Variants in CCT6B observed in about 807,000 individuals in gnomAD.
The protein encoded by CCT6B is chaperonin containing TCP1 subunit 6B.
Under a neutral mutation model 61.5 loss-of-function variants are expected in CCT6B, and 49 were observed. The observed-to-expected ratio is 0.80, with a 90% CI of 0.63 to 1.01. The LOEUF (loss-of-function observed/expected upper bound fraction) is 1.01, where lower values mean the gene tolerates loss of function less well. CCT6B is among the 50% of genes least tolerant of loss of function. The pLI is 0.00. For synonymous variants in CCT6B, 228 were observed against 214.5 expected, an observed-to-expected ratio of 1.06 and a Z score of -0.55; for missense variants, 666 against 634.7, an observed-to-expected ratio of 1.05 and a Z score of -0.53.
chr17:34,928,048 T>C lies in CCT6B; in HGVS notation c.1593A>G (p.Ter531TrpextTer1). 1 of 1,606,748 alleles carries C rather than the reference T, an allele frequency of 6.2e-7. No homozygotes were observed. The highest frequency in any genetic ancestry group is 8.5e-7 in the Non-Finnish European group (1 of 1,175,180). The change falls in exon 14 of 14, where the codon TGA (stop) becomes TGG (tryptophan). Residue 531 changes from the stop codon to tryptophan, a stop_lost. Transcript: ENST00000314144. The part of the protein sequence containing the change: ...IMRAGMSSLK[*>W] ...GAAGGGTTGATTTTGAATTCAATCATCATTTGAGAGAAGACATCCCAGCTC... is the reference window on the plus strand; with the variant it reads ...GAAGGGTTGATTTTGAATTCAATCACCATTTGAGAGAAGACATCCCAGCTC...
chr17:34,928,833 A>C, intron 13 of CCT6B, 129 bp downstream of exon 13: 1 of 541,864 alleles, frequency 1.8e-6, no homozygotes, highest in Non-Finnish European at 3.3e-6. Flanking sequence ...CTAATAACTG[A>C]ATACCACACC....
chr17:34,949,409 G>A (rs980766628), intron 5 of CCT6B: 1 of 148,330 alleles, frequency 6.7e-6, no homozygotes, highest in East Asian at 2.0e-4. Context: ...GCGGTGAGTC[G>A]AGATCACACC....
chr17:34,951,895 G>T, intron 5 of CCT6B, 55 bp downstream of exon 5: 1 of 780,122 alleles, frequency 1.3e-6, no homozygotes, highest in Non-Finnish European at 2.1e-6. Flanking sequence ...TTTAATAAAA[G>T]AATATCTTTA....
In CCT6B at chr17:34,939,213, G is replaced by A. The variant is rs779171045; in HGVS notation, c.1183C>T (p.Leu395Phe). ...TCAATGGCATTTTTGATAGCACGAAGTCCATCTCTTATGGCATCCTTGACT... is the reference window on the plus strand; with the variant it reads ...TCAATGGCATTTTTGATAGCACGAAATCCATCTCTTATGGCATCCTTGACT... ...TQVKDAIRDG[L>F]RAIKNAIEDG... is the part of the protein sequence containing the mutation. Residue 395 changes from leucine to phenylalanine, a missense_variant, in exon 10 of 14, where the codon CTT becomes TTT. Coordinates refer to ENST00000314144, the MANE Select transcript of CCT6B (RefSeq NM_006584.4). 1.9e-6 allele frequency: 3 copies of A among 1,613,794 alleles called. No individual in the cohort carries two copies. Among genetic ancestry groups the A allele is most frequent in the Non-Finnish European group, 2.5e-6 (3 of 1,179,884 alleles).
At chr17:34,928,493 G>A (rs543604537) in intron 13 of CCT6B, among the ~76,000 whole-genome samples, 3 of 152,160 alleles carry the variant, frequency 2.0e-5, no homozygotes, top group Non-Finnish European at 2.9e-5. Flanking sequence ...GGCTGGTCTC[G>A]AACTCCTGAC....
intron 5 of CCT6B, among the ~76,000 whole-genome samples, chr17:34,950,326 C>T (rs1426855127): frequency 1.3e-5 from 2 of 151,858 alleles, no homozygotes; most frequent in African/African-American, 2.4e-5. Flanking sequence ...AAAGTCCCCA[C>T]AAAATTCCAA....
chr17:34,954,598 C>A lies in CCT6B; in HGVS notation c.338G>T (p.Gly113Val). The part of the protein sequence containing the change: ...LKQADLYISE[G>V]LHPRIIAEGF... Reference sequence around the variant, plus strand: ...TTCAGCTATTATTCTAGGGTGCAGGCCCTGTTACATCAACATAAAATTATA... The same window carrying A: ...TTCAGCTATTATTCTAGGGTGCAGGACCTGTTACATCAACATAAAATTATA... The change falls in exon 4 of 14, where the codon GGC becomes GTC. Residue 113 changes from glycine (G) to valine (V), a missense_variant and splice_region_variant. Coordinates refer to ENST00000314144, the MANE Select transcript of CCT6B (RefSeq NM_006584.4). The A allele has an allele frequency of 6.3e-7, 1 of 1,595,934 alleles. No homozygotes were observed. The highest frequency in any genetic ancestry group is 8.5e-7 in the Non-Finnish European group (1 of 1,174,470).
intron 7 of CCT6B, 72 bp downstream of exon 7, chr17:34,942,412 G>T (rs547499063): frequency 3.9e-4 from 473 of 1,219,208 alleles, no homozygotes; most frequent in Admixed American, 7.7e-4. Context: ...ATTCTTAGGG[G>T]TCCACAGACC....
At chr17:34,946,128 C>T (rs950260869) in intron 5 of CCT6B, among the ~76,000 whole-genome samples, 11 of 152,142 alleles carry the variant, frequency 7.2e-5, no homozygotes, top group African/African-American at 2.4e-4. Context: ...GACTTACAAT[C>T]GGAATTCATA....
intron 5 of CCT6B, chr17:34,943,694 A>G (rs2090192575): frequency 6.6e-6 from 1 of 152,086 alleles, no homozygotes; most frequent in Non-Finnish European, 1.5e-5. Flanking sequence ...CAGCACACCA[A>G]CATGGCACAA....
intron 5 of CCT6B, among the ~76,000 whole-genome samples, chr17:34,950,790 G>A (rs927022658): frequency 1.3e-5 from 2 of 152,020 alleles, no homozygotes; most frequent in Admixed American, 6.6e-5. Flanking sequence ...TTAGGCAGGC[G>A]TGGTGCCACA....
intron 7 of CCT6B, 43 bp from the exon 8 acceptor site, chr17:34,940,664 C>G (rs745761473): frequency 1.9e-6 from 2 of 1,058,396 alleles, no homozygotes; most frequent in Admixed American, 2.3e-5. Context: ...TGTTTTAAAC[C>G]AGTATTTCTC....
At chr17:34,932,259 G>T in intron 11 of CCT6B, 108 bp downstream of exon 11, 1 of 980,916 alleles carries the variant, frequency 1.0e-6, no homozygotes, top group Non-Finnish European at 1.5e-6. Flanking sequence ...GTAAGGAAAT[G>T]CACATAAATA....
chr17:34,961,133 A>G (rs1288720713), intron 1 of CCT6B, 124 bp downstream of exon 1: 4 of 1,229,718 alleles, frequency 3.3e-6, no homozygotes, highest in Admixed American at 2.6e-5. Context: ...CAGAGCAGGG[A>G]TGAGAATGAG....
In CCT6B at chr17:34,933,740, C is replaced by T. The variant is rs534542552; in HGVS notation, c.1214-1240G>A. The stretch of plus-strand genomic sequence containing the variant: ...ACAACATATCAAAATTTTAGCATCC[C>T]TAAAGCAGTACTTAAAGAGAAATTT... On this transcript the variant is annotated intron_variant, in intron 10 of 13. Coordinates refer to ENST00000314144, the MANE Select transcript of CCT6B (RefSeq NM_006584.4). Among the ~76,000 whole-genome samples, 4 of 152,256 alleles carry T rather than the reference C, an allele frequency of 2.6e-5. No homozygotes were observed. The East Asian group carries it at 7.7e-4, about 29-fold the overall frequency.
At chr17:34,940,678 C>T (rs145620587) in intron 7 of CCT6B, 57 bp from the exon 8 acceptor site, 12 of 941,298 alleles carry the variant, frequency 1.3e-5, no homozygotes, top group African/African-American at 3.4e-5. Context: ...ATTTCTCAAA[C>T]CTTTTGGTCT....
At chr17:34,954,380 T>C (rs765634865) in intron 4 of CCT6B, 46 bp downstream of exon 4, 1 of 1,400,800 alleles carries the variant, frequency 7.1e-7, no homozygotes, top group African/African-American at 1.5e-5. Flanking sequence ...AATATCACCA[T>C]GCATTAGGCT....
At chr17:34,950,366 C>T (rs2090276767) in intron 5 of CCT6B, among the ~76,000 whole-genome samples, 2 of 152,084 alleles carry the variant, frequency 1.3e-5, no homozygotes, top group Admixed American at 1.3e-4. Context: ...AAGAGAAAGA[C>T]ACTGTGAAAT....
chr17:34,958,747 G>A, intron 2 of CCT6B, 53 bp from the exon 3 acceptor site: 2 of 1,446,800 alleles, frequency 1.4e-6, no homozygotes, highest in African/African-American at 1.4e-5. Flanking sequence ...AAGGAAGTAG[G>A]TCACCAAAAG....
Sources: allele counts gnomAD v4.1 joint callset (sites outside exome capture counted in the v4.1 genomes callset), GRCh38; gene constraint gnomAD v4.1.1; transcripts MANE v1.5; gene names NCBI Gene and HGNC (gene_info 2026-07-23, HGNC 2026-07-21).